Variants in FZD3 observed in about 807,000 individuals in gnomAD.
The protein encoded by FZD3 is frizzled-3.
A neutral mutation model predicts 60.7 loss-of-function variants in FZD3; 30 were observed. That is an observed-to-expected ratio of 0.49 (90% CI 0.37 to 0.67). FZD3 has a LOEUF of 0.67. Ranked by LOEUF, FZD3 falls within the 30% of genes least tolerant of loss-of-function variation. FZD3 has a pLI of 0.00. For missense variants in FZD3, 605 were observed against 838.7 expected (o/e 0.72, Z 3.44); for synonymous variants, 246 against 275.2 (o/e 0.89, Z 1.05).
chr8:28,544,075 A>G (rs867806863), intron 5 of FZD3, among the ~76,000 whole-genome samples: 1 of 151,738 alleles, frequency 6.6e-6, no homozygotes, highest in African/African-American at 2.4e-5. Context: ...GCAGAGTATG[A>G]TACTCTGCGG....
At chr8:28,559,804 C>G (rs1308004682) in intron 7 of FZD3, among the ~76,000 whole-genome samples, 1 of 152,206 alleles carries the variant, frequency 6.6e-6, no homozygotes, top group Non-Finnish European at 1.5e-5. Flanking sequence ...ATGTTGTGGT[C>G]ATTTTCTAAT....
At position 28,571,486 on chromosome 8, in the gene FZD3, A is replaced by G. The variant is rs1805806160; in HGVS notation, c.*8475A>G. The G allele has an allele frequency of 6.6e-6, 1 of 152,162 alleles. No individual in the cohort carries two copies. The highest frequency in any genetic ancestry group is 2.4e-5 in the African/African-American group (1 of 41,450). The allele number at this position is 152,162 out of a possible 1,614,324, so 9.4% of individuals were successfully genotyped here. On this transcript the variant is annotated 3_prime_UTR_variant, in exon 8 of 8. Transcript: ENST00000240093. ...ATATATGGGACTCCCCAATGTGAAA[A>G]TATTAGTCTGGACATTCTCTTGCCA...
At chr8:28,508,533 C>G (rs1009347029) in intron 3 of FZD3, among the ~76,000 whole-genome samples, 10 of 149,498 alleles carry the variant, frequency 6.7e-5, no homozygotes, top group Non-Finnish European at 1.5e-4. Context: ...CAGGGCCTGG[C>G]TTTGTCACCC....
rs562596901 is a variant in FZD3 at position 28,570,469 on chromosome 8, A to C, written c.*7458A>C. ...GTGAGACCCTGTCTCTACTAAAAAC[A>C]AAAAAATTAGTTGGGCATGGTGGCG... On this transcript the variant is annotated 3_prime_UTR_variant, in exon 8 of 8. Transcript: ENST00000240093. 1 of 152,282 alleles carries C rather than the reference A, an allele frequency of 6.6e-6. No homozygotes were observed. The highest frequency in any genetic ancestry group is 2.4e-5 in the African/African-American group (1 of 41,502). 9.4% of individuals were successfully genotyped at this position (152,282 alleles called of 1,614,324 possible).
At chr8:28,545,277 C>G (rs1805269014) in intron 5 of FZD3, among the ~76,000 whole-genome samples, 1 of 152,212 alleles carries the variant, frequency 6.6e-6, no homozygotes, top group Non-Finnish European at 1.5e-5. Flanking sequence ...TGTGACTTGC[C>G]TTTGATTAGT....
intron 6 of FZD3, among the ~76,000 whole-genome samples, chr8:28,553,392 G>A (rs1422401916): frequency 6.6e-6 from 1 of 152,172 alleles, no homozygotes; most frequent in African/African-American, 2.4e-5. Context: ...GGGATTTACT[G>A]TGATTTATTT....
intron 5 of FZD3, among the ~76,000 whole-genome samples, chr8:28,550,926 A>C (rs13263419): frequency 0.53 from 80,764 of 151,968 alleles, 22,002 homozygotes; most frequent in South Asian, 0.63. Flanking sequence ...AGTAATCAAA[A>C]CTATCACTGT....
At chr8:28,507,851 A>G (rs753632410) in intron 3 of FZD3, among the ~76,000 whole-genome samples, 28 of 151,968 alleles carry the variant, frequency 1.8e-4, no homozygotes, top group Admixed American at 4.6e-4. Context: ...TGAGGCTCAA[A>G]ATATTCCATC....
chr8:28,540,357 G>A (rs1207089630), intron 5 of FZD3, among the ~76,000 whole-genome samples: 20 of 152,026 alleles, frequency 1.3e-4, no homozygotes. Flanking sequence ...AGCCTTCCGA[G>A]TAGCTGGGAT....
At chr8:28,546,585 G>A (rs901691104) in intron 5 of FZD3, among the ~76,000 whole-genome samples, 2 of 151,998 alleles carry the variant, frequency 1.3e-5, no homozygotes, top group East Asian at 1.9e-4. Flanking sequence ...CAACAGTGAG[G>A]GTGTTTCCCA....
At chr8:28,509,183 T>C (rs944799168) in intron 3 of FZD3, among the ~76,000 whole-genome samples, 5 of 151,976 alleles carry the variant, frequency 3.3e-5, no homozygotes, top group Non-Finnish European at 7.4e-5. Context: ...TTTAAATTTA[T>C]TTTATAATTA....
At chr8:28,497,515 CG>C (rs1357397369) in intron 1 of FZD3, among the ~76,000 whole-genome samples, 2 of 152,110 alleles carry the variant, frequency 1.3e-5, no homozygotes, top group African/African-American at 4.8e-5. Flanking sequence ...TTCTTGAAAA[CG>C]TGTCTGAAAA....
intron 5 of FZD3, among the ~76,000 whole-genome samples, chr8:28,536,009 A>G (rs964526428): frequency 6.6e-6 from 1 of 152,240 alleles, no homozygotes; most frequent in African/African-American, 2.4e-5. Flanking sequence ...TGCAGAAAAT[A>G]ATATGTTAAA....
At position 28,566,766 on chromosome 8, in the gene FZD3, C is replaced by T. The variant is rs567310578; in HGVS notation, c.*3755C>T. The T allele has an allele frequency of 9.9e-5, 15 of 152,148 alleles. No homozygotes were observed. The East Asian group carries it at 2.9e-3, about 29-fold the overall frequency. The allele number at this position is 152,148 out of a possible 1,614,324, so 9.4% of individuals were successfully genotyped here. ...TTTACATATTACCATATTTGGATGACTTACATAGTCTGGTGTAATGAAAAT... is the reference window on the plus strand; with the variant it reads ...TTTACATATTACCATATTTGGATGATTTACATAGTCTGGTGTAATGAAAAT... On this transcript the variant is annotated 3_prime_UTR_variant, in exon 8 of 8. Coordinates refer to ENST00000240093, the MANE Select transcript of FZD3 (RefSeq NM_017412.4).
chr8:28,554,909 A>C (rs535091204), intron 6 of FZD3, among the ~76,000 whole-genome samples: 1 of 152,230 alleles, frequency 6.6e-6, no homozygotes, highest in Non-Finnish European at 1.5e-5. Flanking sequence ...TAACTTTATG[A>C]GTTTTCATAG....
chr8:28,514,026 T>G (rs1490343771), intron 3 of FZD3, among the ~76,000 whole-genome samples: 1 of 152,196 alleles, frequency 6.6e-6, no homozygotes, highest in Non-Finnish European at 1.5e-5. Flanking sequence ...GAACAAAGAA[T>G]GGAAGGTTCC....
At chr8:28,520,548 G>A in intron 3 of FZD3, 90 bp from the exon 4 acceptor site, 1 of 784,240 alleles carries the variant, frequency 1.3e-6, no homozygotes, top group Non-Finnish European at 1.9e-6. Flanking sequence ...GAATTTTCTT[G>A]TAATGAGAAA....
In FZD3 at chr8:28,574,200, G is replaced by A. The variant is rs923390142; in HGVS notation, c.*11189G>A. The A allele has an allele frequency of 1.4e-4, 22 of 152,090 alleles. No homozygotes were observed. Among genetic ancestry groups the A allele is most frequent in the African/African-American group, 4.3e-4 (18 of 41,418 alleles). The allele number at this position is 152,090 out of a possible 1,614,324, so 9.4% of individuals were successfully genotyped here. A position where few individuals can be genotyped will look rare whatever the true frequency, so the allele number is the denominator to read the frequency against. On this transcript the variant is annotated 3_prime_UTR_variant, in exon 8 of 8. Transcript: ENST00000240093. ...GTGAGTGTACAAACTGATTTTAAAT[G>A]TAGTGGTTGTATATTTTGGTTATAA... is the stretch of plus-strand genomic sequence containing the variant.
chr8:28,553,680 C>T (rs1490635585), intron 6 of FZD3, among the ~76,000 whole-genome samples: 2 of 152,170 alleles, frequency 1.3e-5, no homozygotes, highest in Admixed American at 6.5e-5. Flanking sequence ...GATTCCCAAC[C>T]AACAGTCATT....
Sources: allele counts gnomAD v4.1 joint callset (sites outside exome capture counted in the v4.1 genomes callset), GRCh38; gene constraint gnomAD v4.1.1; transcripts MANE v1.5; gene names NCBI Gene and HGNC (gene_info 2026-07-23, HGNC 2026-07-21).